The following AOAH variants were observed in gnomAD, a reference collection of about 807,000 sequenced individuals.
The protein encoded by AOAH is acyloxyacyl hydrolase (neutrophil).
Under a neutral mutation model 92.2 loss-of-function variants are expected in AOAH, and 64 were observed. The ratio of observed to expected loss-of-function variants is 0.69; its 90% CI spans 0.57 to 0.86. AOAH has a LOEUF of 0.86. Among genes scored for constraint, AOAH ranks in the 40% least tolerant of loss-of-function variants. The pLI is 0.00. For synonymous variants in AOAH, 263 were observed against 254.5 expected (o/e 1.03, Z -0.32); for missense variants, 656 against 694.6 (o/e 0.94, Z 0.62).
intron 16 of AOAH, among the ~76,000 whole-genome samples, chr7:36,533,273 C>A (rs1044667448): frequency 6.6e-6 from 1 of 152,134 alleles, no homozygotes; most frequent in African/African-American, 2.4e-5. Context: ...TCCATTAACA[C>A]TCCTCACACT....
chr7:36,596,590 G>T (rs1318490174), intron 11 of AOAH, among the ~76,000 whole-genome samples: 1 of 152,182 alleles, frequency 6.6e-6, no homozygotes, highest in African/African-American at 2.4e-5. Context: ...CCGTGCAATG[G>T]TGGAGGCAGA....
Position 36,513,396 on chromosome 7 carries a change from CA to C in AOAH, c.1600-17del, listed in dbSNP as rs765197549. ...GCAAAGCCACCTGTGAGAGAGAACC[CA>C]AAGGACGAGGAAAAGGGAAATTAGG... On this transcript the variant is annotated splice_polypyrimidine_tract_variant and intron_variant, in intron 20 of 20. Transcript: ENST00000617537. The C allele has an allele frequency of 4.3e-6, 7 of 1,611,096 alleles. No individual in the cohort carries two copies. The Admixed American group carries it at 8.4e-5, about 19-fold the overall frequency.
intron 10 of AOAH, 99 bp downstream of exon 10, chr7:36,618,198 C>G: frequency 1.0e-6 from 1 of 994,386 alleles, no homozygotes. Flanking sequence ...ATCCTAGCAT[C>G]AAGCACGTTC....
intron 6 of AOAH, among the ~76,000 whole-genome samples, chr7:36,628,932 G>A (rs1792871210): frequency 6.6e-6 from 1 of 152,182 alleles, no homozygotes; most frequent in African/African-American, 2.4e-5. Context: ...GGATTCAAAG[G>A]TCAGATTCAT....
chr7:36,530,546 G>A, intron 18 of AOAH, 32 bp from the exon 19 acceptor site: 1 of 1,464,702 alleles, frequency 6.8e-7, no homozygotes, highest in Non-Finnish European at 9.6e-7. Flanking sequence ...AGAATTTCAT[G>A]AAATCTAGAC....
intron 8 of AOAH, among the ~76,000 whole-genome samples, 174 bp downstream of exon 8, chr7:36,621,536 G>C (rs747284551): frequency 6.6e-6 from 1 of 152,118 alleles, no homozygotes; most frequent in African/African-American, 2.4e-5. Flanking sequence ...AGCATTTCTC[G>C]GACAAACGAA....
intron 12 of AOAH, among the ~76,000 whole-genome samples, chr7:36,586,889 T>C (rs566432900): frequency 6.6e-6 from 1 of 152,318 alleles, no homozygotes; most frequent in Non-Finnish European, 1.5e-5. Flanking sequence ...TTTGCAAAGA[T>C]CTTTAATGTC....
At chr7:36,704,018 T>C (rs1210015694) in intron 1 of AOAH, among the ~76,000 whole-genome samples, 1 of 152,156 alleles carries the variant, frequency 6.6e-6, no homozygotes, top group Non-Finnish European at 1.5e-5. Flanking sequence ...GGATGCAAGT[T>C]ACCATGTGGT....
Position 36,532,190 on chromosome 7 carries a change from C to G in AOAH, c.1382G>C (p.Gly461Ala). ...CAACGTCTTGTTGGAAGACATCCAG[C>G]CGTGGCAGGGGCTGACCTGAGAGCG... The part of the protein sequence containing the change: ...LNCLQVSPCH[G>A]WMSSNKTLRT... The change falls in exon 18 of 21, where the codon GGC becomes GCC. Residue 461 changes from glycine (G) to alanine (A), a missense_variant. Physicochemically the swap from Gly to Ala is moderately conservative, Grantham distance 60 (BLOSUM62 0). Coordinates refer to ENST00000617537, the MANE Select transcript of AOAH (RefSeq NM_001637.4). 6.2e-7 allele frequency: 1 copy of G among 1,614,184 alleles called. No homozygotes were observed. The highest frequency in any genetic ancestry group is 8.5e-7 in the Non-Finnish European group (1 of 1,180,026).
intron 11 of AOAH, among the ~76,000 whole-genome samples, chr7:36,606,771 A>C (rs530683869): frequency 6.6e-6 from 1 of 152,156 alleles, no homozygotes; most frequent in South Asian, 2.1e-4. Context: ...AAGAAAAAAA[A>C]CAAAACCAGC....
chr7:36,673,505 C>G (rs1238955810), intron 3 of AOAH, among the ~76,000 whole-genome samples: 2 of 152,162 alleles, frequency 1.3e-5, no homozygotes, highest in African/African-American at 4.8e-5. Flanking sequence ...CCACTGCCCT[C>G]CAGCCTGGGC....
intron 1 of AOAH, among the ~76,000 whole-genome samples, chr7:36,709,263 G>T (rs1361770963): frequency 6.6e-6 from 1 of 152,026 alleles, no homozygotes; most frequent in Non-Finnish European, 1.5e-5. Context: ...TTACACCTCG[G>T]TGAAATCATC....
At chr7:36,532,088 C>A in intron 18 of AOAH, 59 bp downstream of exon 18, 1 of 1,592,058 alleles carries the variant, frequency 6.3e-7, no homozygotes, top group Non-Finnish European at 8.6e-7. Flanking sequence ...GAAAACTCTG[C>A]AGCAAACACA....
chr7:36,616,563 G>A, intron 10 of AOAH, 89 bp from the exon 11 acceptor site: 1 of 1,026,994 alleles, frequency 9.7e-7, no homozygotes, highest in South Asian at 1.3e-5. Flanking sequence ...ATACCCTAGT[G>A]TGTATTCCAG....
At chr7:36,599,484 T>C (rs1790385202) in intron 11 of AOAH, among the ~76,000 whole-genome samples, 1 of 152,250 alleles carries the variant, frequency 6.6e-6, no homozygotes, top group Non-Finnish European at 1.5e-5. Flanking sequence ...CTATTACATG[T>C]ACCTGCATTA....
chr7:36,565,264 C>T (rs1393328085), intron 13 of AOAH, among the ~76,000 whole-genome samples: 1 of 96 alleles, frequency 0.01, no homozygotes, highest in Non-Finnish European at 0.021. Flanking sequence ...GAAATGTCCT[C>T]ATTGTTTGTT....
At chr7:36,580,989 C>T (rs973298903) in intron 12 of AOAH, among the ~76,000 whole-genome samples, 2 of 152,136 alleles carry the variant, frequency 1.3e-5, no homozygotes, top group African/African-American at 4.8e-5. Flanking sequence ...TCTTCCAGTC[C>T]AGAGGCCCTT....
At chr7:36,581,596 G>A (rs1788935135) in intron 12 of AOAH, among the ~76,000 whole-genome samples, 1 of 152,276 alleles carries the variant, frequency 6.6e-6, no homozygotes, top group East Asian at 1.9e-4. Context: ...CTTTGGGAAA[G>A]TAATTCTTAC....
At chr7:36,546,920 C>T (rs1479865352) in intron 15 of AOAH, among the ~76,000 whole-genome samples, 1 of 152,144 alleles carries the variant, frequency 6.6e-6, no homozygotes, top group Admixed American at 6.5e-5. Flanking sequence ...GTGGTGCTCA[C>T]TGTATATTTT....
Sources: allele counts gnomAD v4.1 joint callset (sites outside exome capture counted in the v4.1 genomes callset), GRCh38; gene constraint gnomAD v4.1.1; transcripts MANE v1.5; gene names NCBI Gene and HGNC (gene_info 2026-07-23, HGNC 2026-07-21).